ERBB4: variants seen among roughly 807,000 people sequenced by gnomAD.
The protein encoded by ERBB4 is receptor tyrosine-protein kinase erbB-4.
Under a neutral mutation model 158.0 loss-of-function variants are expected in ERBB4, and 42 were observed. That is an observed-to-expected ratio of 0.27 (90% confidence interval 0.21 to 0.34). ERBB4 has a LOEUF of 0.34. Ranked by LOEUF, ERBB4 falls within the 10% of genes least tolerant of loss-of-function variation. The probability of loss-of-function intolerance (pLI) is 1.00; values close to 1 mark genes in which losing one functional copy is unlikely to be tolerated. For missense variants in ERBB4, 1,333 were observed against 1,624.1 expected (o/e 0.82, Z 3.08); for synonymous variants, 583 against 558.7 (o/e 1.04, Z -0.61).
intron 1 of ERBB4, among the ~76,000 whole-genome samples, chr2:212,391,800 T>C (rs1412083400): frequency 2.1e-5 from 3 of 145,836 alleles, no homozygotes; most frequent in Admixed American, 7.0e-5. Flanking sequence ...TGACATATAA[T>C]ATTATGTGGG....
intron 3 of ERBB4, among the ~76,000 whole-genome samples, chr2:211,936,835 T>G (rs552761812): frequency 6.6e-6 from 1 of 152,186 alleles, no homozygotes; most frequent in Non-Finnish European, 1.5e-5. Flanking sequence ...TAGTAACATT[T>G]ATTATGCCAA....
At chr2:211,691,443 T>C (rs1246798552) in intron 12 of ERBB4, among the ~76,000 whole-genome samples, 1 of 152,184 alleles carries the variant, frequency 6.6e-6, no homozygotes, top group Non-Finnish European at 1.5e-5. Context: ...TACTTTTTGC[T>C]AGCTCTGCTA....
rs114151610 is a variant in ERBB4, at chr2:211,389,586, T to C, written c.3136-1594A>G. On this transcript the variant is annotated intron_variant, in intron 25 of 27. Coordinates refer to ENST00000342788, the MANE Select transcript of ERBB4 (RefSeq NM_005235.3). ...AATATTTATCTATTTTCTTCTTTAG[T>C]AACATAACTAACAACACCTCAAAGA... 2.8e-3 allele frequency among the ~76,000 whole-genome samples: 433 copies of C among 152,304 alleles called. 4 individuals carry two copies. The highest frequency in any genetic ancestry group is 3.8e-3 in the Non-Finnish European group (258 of 68,018).
chr2:211,818,112 A>C, intron 3 of ERBB4, among the ~76,000 whole-genome samples: 1 of 152,158 alleles, frequency 6.6e-6, no homozygotes, highest in Non-Finnish European at 1.5e-5. Flanking sequence ...TCCTCATCTG[A>C]AACTAGAAGT....
chr2:211,458,360 G>A lies in ERBB4; in HGVS notation c.2488-27260C>T, dbSNP rs1050919164. Among the ~76,000 whole-genome samples, 7 of 151,722 alleles carry A rather than the reference G, an allele frequency of 4.6e-5. No homozygotes were observed. The East Asian group carries it at 1.2e-3, about 25-fold the overall frequency. Reference sequence around the variant, plus strand: ...CAGCTCACTGCAACCTCCGCCTCCCGGGTTCAAGTGATCCCCCTGCCTCAG... The same window carrying A: ...CAGCTCACTGCAACCTCCGCCTCCCAGGTTCAAGTGATCCCCCTGCCTCAG... On this transcript the variant is annotated intron_variant, in intron 20 of 27. Coordinates refer to ENST00000342788, the MANE Select transcript of ERBB4 (RefSeq NM_005235.3).
chr2:211,744,259 A>G (rs377433572), intron 5 of ERBB4, among the ~76,000 whole-genome samples: 98 of 152,350 alleles, frequency 6.4e-4, no homozygotes, highest in African/African-American at 2.2e-3. Context: ...CACCCAAAAA[A>G]GTACACAAAA....
chr2:212,162,495 C>T (rs1187099719), intron 1 of ERBB4, among the ~76,000 whole-genome samples: 1 of 151,828 alleles, frequency 6.6e-6, no homozygotes, highest in African/African-American at 2.4e-5. Context: ...TTGCACTACA[C>T]AATTGCATGT....
intron 20 of ERBB4, among the ~76,000 whole-genome samples, chr2:211,514,103 A>T (rs1320103324): frequency 2.0e-5 from 3 of 152,012 alleles, no homozygotes; most frequent in Non-Finnish European, 4.4e-5. Flanking sequence ...TTTTGTACTC[A>T]TTAGCAAATC....
chr2:212,205,987 CTT>C (rs1294636651), intron 1 of ERBB4, among the ~76,000 whole-genome samples: 2 of 152,146 alleles, frequency 1.3e-5, no homozygotes, highest in Non-Finnish European at 1.5e-5. Flanking sequence ...AGAATTTCCT[CTT>C]GTGAGTCCTT....
chr2:212,449,128 T>C (rs1354956746), intron 1 of ERBB4, among the ~76,000 whole-genome samples: 3 of 152,172 alleles, frequency 2.0e-5, no homozygotes, highest in African/African-American at 7.2e-5. Context: ...TCCAGATTTC[T>C]TTTACTAGTG....
chr2:211,816,881 C>T (rs905013158), intron 3 of ERBB4, among the ~76,000 whole-genome samples: 5 of 152,146 alleles, frequency 3.3e-5, no homozygotes, highest in African/African-American at 1.2e-4. Flanking sequence ...GAGCTGGAAG[C>T]ACTGTGTTCC....
intron 2 of ERBB4, among the ~76,000 whole-genome samples, chr2:212,076,785 T>C (rs2078287040): frequency 6.6e-6 from 1 of 151,824 alleles, no homozygotes; most frequent in Non-Finnish European, 1.5e-5. Flanking sequence ...AGTTTGTTTA[T>C]AAGATATAAG....
intron 1 of ERBB4, among the ~76,000 whole-genome samples, chr2:212,367,336 G>A (rs1261422920): frequency 6.6e-6 from 1 of 151,998 alleles, no homozygotes; most frequent in Non-Finnish European, 1.5e-5. Flanking sequence ...ATAAAGTGGG[G>A]AAAGGACACC....
intron 25 of ERBB4, among the ~76,000 whole-genome samples, chr2:211,404,155 G>A (rs999688587): frequency 2.0e-5 from 3 of 151,950 alleles, no homozygotes; most frequent in East Asian, 1.9e-4. Flanking sequence ...CAGCTTCAGC[G>A]TTATTTTTGC....
In ERBB4 at chr2:212,416,438, G is replaced by A. The variant is rs371574065; in HGVS notation, c.82+122011C>T. 5.9e-5 allele frequency among the ~76,000 whole-genome samples: 9 copies of A among 152,060 alleles called. No individual in the cohort carries two copies. The East Asian group carries it at 1.2e-3, about 20-fold the overall frequency. On this transcript the variant is annotated intron_variant, in intron 1 of 27. Transcript: ENST00000342788. Reference sequence around the variant, plus strand: ...GATGCAACCCGTACTTAGGAAAGGGGTCAGACATGTTTGTTCATTTTCAAT... The same window carrying A: ...GATGCAACCCGTACTTAGGAAAGGGATCAGACATGTTTGTTCATTTTCAAT...
At chr2:211,438,742 A>T (rs2063909307) in intron 20 of ERBB4, among the ~76,000 whole-genome samples, 1 of 152,030 alleles carries the variant, frequency 6.6e-6, no homozygotes, top group South Asian at 2.1e-4. Context: ...TTCTATTCAG[A>T]GGAAGAAAAG....
intron 1 of ERBB4, among the ~76,000 whole-genome samples, chr2:212,182,833 T>A (rs73987278): frequency 0.022 from 3,369 of 151,834 alleles, 119 homozygotes; most frequent in African/African-American, 0.077. Context: ...GTTTCTGCTA[T>A]GAATAGACTA....
At chr2:212,140,195 A>C (rs1395326320) in intron 1 of ERBB4, among the ~76,000 whole-genome samples, 1 of 151,336 alleles carries the variant, frequency 6.6e-6, no homozygotes, top group Admixed American at 6.6e-5. Flanking sequence ...AAAATAAAAT[A>C]ATAACCCTTA....
At position 212,059,310 on chromosome 2, in the gene ERBB4, G is replaced by T. The variant is rs527442472; in HGVS notation, c.234+65442C>A. ...TAAAAGAGGATACAAACAAATGGAA[G>T]AACATTCCATTCTCATGGATAGGAA... On this transcript the variant is annotated intron_variant, in intron 2 of 27. Coordinates refer to ENST00000342788, the MANE Select transcript of ERBB4 (RefSeq NM_005235.3). 2.6e-5 allele frequency among the ~76,000 whole-genome samples: 4 copies of T among 152,198 alleles called. No homozygotes were observed. The South Asian group carries it at 6.2e-4, about 24-fold the overall frequency.
Sources: gnomAD v4.1 joint callset for allele counts (sites outside exome capture counted in the v4.1 genomes callset) on GRCh38, gnomAD v4.1.1 for gene constraint, MANE v1.5 for transcripts, NCBI Gene and HGNC (gene_info 2026-07-23, HGNC 2026-07-21) for gene names.